Variants in CEP135 observed in about 807,000 individuals in gnomAD.
CEP135 encodes centrosomal protein 135, also known as centrosomal protein of 135 kDa.
In CEP135, 142 loss-of-function variants were observed where a neutral mutation model predicts 157.3. The observed-to-expected ratio is 0.90, with a 90% CI of 0.79 to 1.04. CEP135 has a LOEUF of 1.04. Ranked by LOEUF, CEP135 falls within the 50% of genes least tolerant of loss-of-function variation. CEP135 has a pLI of 0.00. For missense variants in CEP135, 1,317 were observed against 1,309.2 expected (o/e 1.01, Z -0.09); for synonymous variants, 396 against 439.8 (o/e 0.90, Z 1.25).
Position 55,965,664 on chromosome 4 carries a change from T to C in CEP135, c.849T>C (p.Ala283=). The change falls in exon 8 of 26, where the codon GCT becomes GCC. Residue 283 remains alanine, a synonymous_variant. Transcript: ENST00000257287. The part of the protein sequence containing the change: ...LNIQVDFLQQ[A]NKDLEKRIRE... ...TTTAGGTTGACTTTCTTCAGCAAGCTAATAAAGACCTGGAGAAGCGTATAC... is the reference window on the plus strand; with the variant it reads ...TTTAGGTTGACTTTCTTCAGCAAGCCAATAAAGACCTGGAGAAGCGTATAC... 6.2e-7 allele frequency: 1 copy of C among 1,607,552 alleles called. No individual in the cohort carries two copies. The highest frequency in any genetic ancestry group is 8.5e-7 in the Non-Finnish European group (1 of 1,178,394).
At chr4:56,025,079 G>A (rs769955065) in intron 25 of CEP135, among the ~76,000 whole-genome samples, 11 of 152,128 alleles carry the variant, frequency 7.2e-5, no homozygotes, top group Non-Finnish European at 1.3e-4. Context: ...GATGGCTTGA[G>A]CCCGGAAGGT....
intron 24 of CEP135, 74 bp downstream of exon 24, chr4:56,020,854 G>T: frequency 9.4e-7 from 1 of 1,065,408 alleles, no homozygotes; most frequent in Admixed American, 2.2e-5. Context: ...TATTTAATAT[G>T]GCTTTACAAA....
chr4:55,991,083 C>G (rs1407395901), intron 14 of CEP135, among the ~76,000 whole-genome samples: 1 of 151,988 alleles, frequency 6.6e-6, no homozygotes, highest in African/African-American at 2.4e-5. Flanking sequence ...TCAAGCGATT[C>G]TCCTGCCTCG....
At chr4:55,998,019 T>A (rs1730035452) in intron 15 of CEP135, among the ~76,000 whole-genome samples, 1 of 152,236 alleles carries the variant, frequency 6.6e-6, no homozygotes, top group Admixed American at 6.5e-5. Context: ...ATTCACTTGC[T>A]GTTAGAACAG....
chr4:55,961,764 TAAAAAAAAAA>T (rs564116620), intron 6 of CEP135, among the ~76,000 whole-genome samples: 48 of 54,214 alleles, frequency 8.9e-4, no homozygotes, highest in African/African-American at 2.9e-3. Context: ...AAACTCTGTC[TAAAAAAAAAA>T]AAAAAAAAAA....
At chr4:56,016,198 G>C (rs974490294) in intron 21 of CEP135, among the ~76,000 whole-genome samples, 2 of 152,134 alleles carry the variant, frequency 1.3e-5, no homozygotes, top group Admixed American at 1.3e-4. Flanking sequence ...TAGGAGAGAG[G>C]CATGGGACAG....
rs562800495 is a variant in CEP135 at position 56,003,787 on chromosome 4, C to A, written c.2280+4142C>A. On this transcript the variant is annotated intron_variant, in intron 17 of 25. Transcript: ENST00000257287. ...CCAGGCTGAAGTGCAGTAGCAAGAT[C>A]ATGGCTCATTGCAGCCTTGACCTTT... 3.3e-5 allele frequency among the ~76,000 whole-genome samples: 5 copies of A among 151,978 alleles called. No individual in the cohort carries two copies. In the South Asian group the frequency reaches 1.0e-3, roughly 32 times the overall value.
At position 55,965,748 on chromosome 4, in the gene CEP135, A is replaced by G. The variant is rs1560401102; in HGVS notation, c.933A>G (p.Lys311=). Residue 311 remains lysine, a synonymous_variant, in exon 8 of 26, where the codon AAA becomes AAG. Coordinates refer to ENST00000257287, the MANE Select transcript of CEP135 (RefSeq NM_025009.5). ...VTSEVVNLSN[K]NEKLCQELTE... ...CTGAAGTCGTTAATTTAAGTAACAA[A>G]AATGAAAAACTCTGCCAAGAATTAA... The G allele has an allele frequency of 6.2e-7, 1 of 1,613,966 alleles. No homozygotes were observed.
Position 56,009,869 on chromosome 4 carries a change from A to G in CEP135, c.2471A>G (p.Gln824Arg), listed in dbSNP as rs148279836. Reference sequence around the variant, plus strand: ...GCTTTTAAGGAAAACAGAAGACTGCAAGATGACCTGGCTACAATGGCAAGA... The same window carrying G: ...GCTTTTAAGGAAAACAGAAGACTGCGAGATGACCTGGCTACAATGGCAAGA... ...EIAFKENRRL[Q>R]DDLATMAREN... is the part of the protein sequence containing the mutation. Residue 824 changes from glutamine (Q) to arginine (R), a missense_variant, in exon 19 of 26, where the codon CAA becomes CGA. Coordinates refer to ENST00000257287, the MANE Select transcript of CEP135 (RefSeq NM_025009.5). 5.6e-6 allele frequency: 9 copies of G among 1,613,722 alleles called. No homozygotes were observed. In the African/African-American group the frequency reaches 1.1e-4, roughly 19 times the overall value.
At position 55,999,548 on chromosome 4, in the gene CEP135, C is replaced by A. The variant is rs1244437878; in HGVS notation, c.2183C>A (p.Thr728Asn). The change falls in exon 17 of 26, where the codon ACC becomes AAC. Residue 728 changes from threonine (T) to asparagine (N), a missense_variant. Thr to Asn is a moderately conservative substitution (Grantham distance 65). Transcript: ENST00000257287. Reference protein sequence around the residue: ...QDEEAHVMKKTIGVIDKEKDF... With the variant: ...QDEEAHVMKKNIGVIDKEKDF... ...GAGGAGGCTCATGTAATGAAAAAGA[C>A]CATTGGTGTTATTGATAAAGAAAAA... The A allele has an allele frequency of 1.9e-6, 3 of 1,611,600 alleles. No homozygotes were observed. In the African/African-American group the frequency reaches 4.0e-5, roughly 22 times the overall value.
chr4:55,958,749 CA>C (rs1728583399), intron 5 of CEP135, among the ~76,000 whole-genome samples: 1 of 152,096 alleles, frequency 6.6e-6, no homozygotes, highest in South Asian at 2.1e-4. Context: ...AAGCCGTATC[CA>C]GCCTCATTTA....
At chr4:56,024,718 C>T (rs2109752452) in intron 25 of CEP135, 104 bp downstream of exon 25, 2 of 745,676 alleles carry the variant, frequency 2.7e-6, no homozygotes, top group African/African-American at 1.8e-5. Context: ...GTAAGGCGTT[C>T]AGGAGAACTT....
intron 25 of CEP135, among the ~76,000 whole-genome samples, chr4:56,024,817 A>G (rs1731099708): frequency 1.3e-5 from 2 of 149,576 alleles, no homozygotes; most frequent in African/African-American, 4.9e-5. Flanking sequence ...GACCATTTAC[A>G]GTGTATGCTT....
chr4:56,002,046 A>C (rs1166503250), intron 17 of CEP135, among the ~76,000 whole-genome samples: 3 of 151,714 alleles, frequency 2.0e-5, no homozygotes, highest in Non-Finnish European at 4.4e-5. Flanking sequence ...TATTTTTCAG[A>C]TTGCTGGTGG....
At chr4:55,997,715 T>G (rs1356321970) in intron 15 of CEP135, among the ~76,000 whole-genome samples, 1 of 152,234 alleles carries the variant, frequency 6.6e-6, no homozygotes. Context: ...TTGTTTGTAT[T>G]CAGTTGGGAT....
chr4:55,965,904 C>G (rs1728828193), intron 8 of CEP135, 45 bp downstream of exon 8: 1 of 1,459,428 alleles, frequency 6.9e-7, no homozygotes, highest in Non-Finnish European at 9.5e-7. Flanking sequence ...CATTAATTCT[C>G]CTAGCACACG....
intron 4 of CEP135, 86 bp from the exon 5 acceptor site, chr4:55,957,137 T>C: frequency 1.4e-6 from 2 of 1,428,748 alleles, no homozygotes; most frequent in South Asian, 1.3e-5. Flanking sequence ...AGACACACTT[T>C]ATAACCGAAA....
intron 9 of CEP135, among the ~76,000 whole-genome samples, chr4:55,969,965 T>G (rs1040924611): frequency 1.3e-5 from 2 of 151,896 alleles, no homozygotes; most frequent in African/African-American, 4.8e-5. Context: ...CTTGAACCCC[T>G]GGTGCTCAAG....
At chr4:55,972,176 A>T (rs975528432) in intron 10 of CEP135, among the ~76,000 whole-genome samples, 2 of 152,084 alleles carry the variant, frequency 1.3e-5, no homozygotes, top group African/African-American at 4.8e-5. Context: ...TTATTCATTC[A>T]TTAATTTGAC....
Sources: gnomAD v4.1 joint callset for allele counts (sites outside exome capture counted in the v4.1 genomes callset) on GRCh38, gnomAD v4.1.1 for gene constraint, MANE v1.5 for transcripts, NCBI Gene and HGNC (gene_info 2026-07-23, HGNC 2026-07-21) for gene names.